Variants in RASAL2 observed in about 807,000 individuals in gnomAD.
RASAL2 encodes the protein ras GTPase-activating protein nGAP.
A neutral mutation model predicts 128.9 loss-of-function variants in RASAL2; 58 were observed. That is an observed-to-expected ratio of 0.45 (90% CI 0.36 to 0.56). RASAL2 has a LOEUF of 0.56. Ranked by LOEUF, RASAL2 falls within the 20% of genes least tolerant of loss-of-function variation. The probability of loss-of-function intolerance (pLI) is 0.00; values close to 1 mark genes in which losing one functional copy is unlikely to be tolerated. For synonymous variants in RASAL2, 561 were observed against 580.8 expected (o/e 0.97, Z 0.49); for missense variants, 1,360 against 1,601.6 (o/e 0.85, Z 2.57).
At chr1:178,296,901 A>G (rs1667536885) in intron 2 of RASAL2, among the ~76,000 whole-genome samples, 1 of 151,338 alleles carries the variant, frequency 6.6e-6, no homozygotes. Flanking sequence ...TGAACTCCTG[A>G]ACTCAGGTGA....
intron 1 of RASAL2, among the ~76,000 whole-genome samples, chr1:178,259,153 C>T (rs1392736607): frequency 1.0e-3 from 104 of 102,934 alleles, no homozygotes; most frequent in African/African-American, 3.8e-3. Flanking sequence ...TTTTTTGAGA[C>T]GGAGTCTCGC....
intron 7 of RASAL2, among the ~76,000 whole-genome samples, 164 bp from the exon 8 acceptor site, chr1:178,442,511 T>G (rs1676722166): frequency 6.6e-6 from 1 of 152,148 alleles, no homozygotes; most frequent in South Asian, 2.1e-4. Context: ...TAATGCATGC[T>G]TGTTTAGAGC....
intron 1 of RASAL2, among the ~76,000 whole-genome samples, chr1:178,107,650 AAC>A (rs1177378133): frequency 6.6e-6 from 1 of 152,090 alleles, no homozygotes; most frequent in Admixed American, 6.6e-5. Flanking sequence ...AGCAGCTGGT[AAC>A]CTCTATTCTT....
In RASAL2 at chr1:178,375,271, T is replaced by C. The variant is rs937626230; in HGVS notation, c.458-14829T>C. ...TGTCTTGAAAAGAACGCAGAATTCA[T>C]GTAAAGAAGTAATGAGAGATAACAT... On this transcript the variant is annotated intron_variant, in intron 3 of 17. Coordinates refer to ENST00000367649, the MANE Select transcript of RASAL2 (RefSeq NM_170692.4). Among the ~76,000 whole-genome samples, 8 of 152,144 alleles carry C rather than the reference T, an allele frequency of 5.3e-5. No individual in the cohort carries two copies. In the East Asian group the frequency reaches 1.5e-3, roughly 29 times the overall value.
chr1:178,152,162 T>C (rs1166707420), intron 1 of RASAL2, among the ~76,000 whole-genome samples: 1 of 152,058 alleles, frequency 6.6e-6, no homozygotes, highest in Non-Finnish European at 1.5e-5. Flanking sequence ...CTCACCAACC[T>C]CTGGGGGAAG....
rs142423029 is a variant in RASAL2, at chr1:178,458,174, A to T, written c.2882A>T (p.Asp961Val). ...TCCAGAAGCCAAAGTAACAGTGAAG[A>T]CTTCAAGCTCAGTGGACCCAGCAAT... ...ASSRSQSNSE[D>V]FKLSGPSNSS... The change falls in exon 14 of 18, where the codon GAC becomes GTC. Residue 961 changes from aspartate to valine, a missense_variant. By Grantham distance (152) the Asp-to-Val change is radical (BLOSUM62 -3). This residue lies in a region of RASAL2 where 741 missense variants were observed against 868.6 expected (regional missense o/e 0.85). Coordinates refer to ENST00000367649, the MANE Select transcript of RASAL2 (RefSeq NM_170692.4). The T allele has an allele frequency of 4.2e-5, 68 of 1,614,272 alleles. No individual in the cohort carries two copies. The East Asian group carries it at 1.4e-3, about 34-fold the overall frequency.
At chr1:178,368,452 A>G (rs1194254231) in intron 3 of RASAL2, among the ~76,000 whole-genome samples, 2 of 152,160 alleles carry the variant, frequency 1.3e-5, no homozygotes, top group Non-Finnish European at 2.9e-5. Context: ...GGAAATGCAT[A>G]TGCCCTCAAA....
At chr1:178,372,202 G>A in intron 3 of RASAL2, 1 of 985,300 alleles carries the variant, frequency 1.0e-6, no homozygotes, top group Non-Finnish European at 1.2e-6. Flanking sequence ...TCATCATTCA[G>A]TAATTGTGCT....
intron 3 of RASAL2, among the ~76,000 whole-genome samples, chr1:178,328,735 A>G (rs1449401710): frequency 3.9e-5 from 6 of 152,204 alleles, no homozygotes; most frequent in African/African-American, 9.7e-5. Context: ...TATAGAGAAG[A>G]GTACTGATGC....
At chr1:178,429,463 T>C (rs73037515) in intron 5 of RASAL2, among the ~76,000 whole-genome samples, 2,052 of 152,244 alleles carry the variant, frequency 0.013, 45 homozygotes, top group African/African-American at 0.046. Flanking sequence ...CTGACCACTT[T>C]TTATAGTCTT....
chr1:178,346,001 T>C (rs542427055), intron 3 of RASAL2, among the ~76,000 whole-genome samples: 2 of 152,350 alleles, frequency 1.3e-5, no homozygotes, highest in African/African-American at 4.8e-5. Context: ...TTCAATGCTT[T>C]CAACATGTGG....
chr1:178,214,126 T>C (rs904233058), intron 1 of RASAL2, among the ~76,000 whole-genome samples: 1 of 151,870 alleles, frequency 6.6e-6, no homozygotes, highest in Non-Finnish European at 1.5e-5. Context: ...AAAAACTAAC[T>C]GGGCGTGGTA....
chr1:178,434,004 A>G (rs1284997833), intron 5 of RASAL2, among the ~76,000 whole-genome samples: 1 of 152,068 alleles, frequency 6.6e-6, no homozygotes, highest in Admixed American at 6.6e-5. Context: ...CAATTATGAG[A>G]CTAAAAGTCT....
intron 1 of RASAL2, among the ~76,000 whole-genome samples, chr1:178,241,670 A>G (rs1664504191): frequency 6.6e-6 from 1 of 152,222 alleles, no homozygotes; most frequent in Non-Finnish European, 1.5e-5. Context: ...ATGGATGACC[A>G]AAGTATTGCA....
At chr1:178,222,129 A>G (rs953741740) in intron 1 of RASAL2, among the ~76,000 whole-genome samples, 3 of 152,108 alleles carry the variant, frequency 2.0e-5, no homozygotes, top group Admixed American at 6.6e-5. Flanking sequence ...GTGTGTCTTT[A>G]TATTTAAAAT....
rs1572088093 is a variant in RASAL2 at position 178,445,455 on chromosome 1, G to T, written c.1483-63G>T. On this transcript the variant is annotated intron_variant, in intron 8 of 17. Transcript: ENST00000367649. ...TTCCAGGATGTCTGATATTTCAAAA[G>T]TCTCTTCTAATGTGTATTATTTATT... The T allele has an allele frequency of 3.3e-5, 49 of 1,467,106 alleles. No individual in the cohort carries two copies. In the East Asian group the frequency reaches 1.2e-3, roughly 36 times the overall value. The allele number at this position is 1,467,106 out of a possible 1,614,324, so 90.9% of individuals were successfully genotyped here.
intron 6 of RASAL2, among the ~76,000 whole-genome samples, chr1:178,441,110 T>C (rs577532177): frequency 7.6e-4 from 101 of 133,516 alleles, no homozygotes; most frequent in Non-Finnish European, 1.2e-3. Context: ...ATGTGGATGC[T>C]ACCTAAGCAA....
intron 1 of RASAL2, among the ~76,000 whole-genome samples, chr1:178,190,683 G>C (rs1662461795): frequency 6.6e-6 from 1 of 151,732 alleles, no homozygotes; most frequent in South Asian, 2.1e-4. Flanking sequence ...AAATTGGTAT[G>C]CTTCTCATAT....
chr1:178,131,251 G>T (rs1440000862), intron 1 of RASAL2, among the ~76,000 whole-genome samples: 1 of 151,896 alleles, frequency 6.6e-6, no homozygotes, highest in African/African-American at 2.4e-5. Flanking sequence ...CTGTGGCCCA[G>T]ACTGGACTGC....
Sources: gnomAD v4.1 joint callset for allele counts (sites outside exome capture counted in the v4.1 genomes callset) on GRCh38, gnomAD v4.1.1 for gene constraint, gnomAD v4.1.1 regional missense constraint, MANE v1.5 for transcripts, NCBI Gene and HGNC (gene_info 2026-07-23, HGNC 2026-07-21) for gene names.